Variants in LRRK2 observed in about 807,000 individuals in gnomAD.
The protein encoded by LRRK2 is leucine-rich repeat serine/threonine-protein kinase 2.
Under a neutral mutation model 302.6 loss-of-function variants are expected in LRRK2, and 203 were observed. The ratio of observed to expected loss-of-function variants is 0.67; its 90% CI spans 0.60 to 0.75. The LOEUF is 0.75. Ranked by LOEUF, LRRK2 falls within the 30% of genes least tolerant of loss-of-function variation. The pLI is 0.00. For synonymous variants in LRRK2, 1,066 were observed against 1,031.9 expected, an observed-to-expected ratio of 1.03 and a Z score of -0.63; for missense variants, 2,830 against 2,951.0, an observed-to-expected ratio of 0.96 and a Z score of 0.95.
Position 40,369,207 on chromosome 12 carries a change from A to G in LRRK2, c.*1442A>G, listed in dbSNP as rs1214100724. ...CTTTCATTGTTACTTTGTATTTGCA[A>G]TTTTTTTTACCAAAGACAAATTAAA... On this transcript the variant is annotated 3_prime_UTR_variant, in exon 51 of 51. Coordinates refer to ENST00000298910, the MANE Select transcript of LRRK2 (RefSeq NM_198578.4). 6.6e-6 allele frequency: 1 copy of G among 151,406 alleles called. No homozygotes were observed. The highest frequency in any genetic ancestry group is 1.9e-4 in the East Asian group (1 of 5,250). The allele number at this position is 151,406 out of a possible 1,614,324, so 9.4% of individuals were successfully genotyped here.
At chr12:40,352,175 G>T (rs1001613587) in intron 44 of LRRK2, among the ~76,000 whole-genome samples, 1 of 152,150 alleles carries the variant, frequency 6.6e-6, no homozygotes, top group African/African-American at 2.4e-5. Context: ...GCAATCTGCT[G>T]GGAGGTGGGG....
intron 7 of LRRK2, among the ~76,000 whole-genome samples, chr12:40,248,515 A>T (rs1389218437): frequency 6.6e-6 from 1 of 152,172 alleles, no homozygotes; most frequent in African/African-American, 2.4e-5. Context: ...GATTTGTTCC[A>T]TTTAATGGGT....
Position 40,320,090 on chromosome 12 carries a change from A to G in LRRK2, c.4930A>G (p.Asn1644Asp), listed in dbSNP as rs886049361. 1.2e-6 allele frequency: 2 copies of G among 1,611,778 alleles called. No homozygotes were observed. Residue 1644 changes from asparagine (N) to aspartate (D), a missense_variant, in exon 34 of 51, where the codon AAC (asparagine) becomes GAC (aspartate). Coordinates refer to ENST00000298910, the MANE Select transcript of LRRK2 (RefSeq NM_198578.4). ...FLSKKRKFPK[N>D]YMSQYFKLLE... ...TTCAAAAAAAAGGAAATTTCCAAAG[A>G]ACTACATGTCACAGTATTTTAAGCT...
At chr12:40,252,415 G>A (rs551705264) in intron 10 of LRRK2, among the ~76,000 whole-genome samples, 3 of 152,256 alleles carry the variant, frequency 2.0e-5, no homozygotes, top group African/African-American at 7.2e-5. Flanking sequence ...CTCATGTTGA[G>A]CAAGGCTTTT....
chr12:40,359,203 G>A (rs747721766), intron 46 of LRRK2, 57 bp from the exon 47 acceptor site: 8 of 1,454,208 alleles, frequency 5.5e-6, no homozygotes, highest in Non-Finnish European at 7.6e-6. Context: ...ATTTTATGGA[G>A]TTTTGTTCTG....
At position 40,367,645 on chromosome 12, in the gene LRRK2, G is replaced by T. The variant is rs1946920193; in HGVS notation, c.7464G>T (p.Glu2488Asp). The T allele has an allele frequency of 6.3e-7, 1 of 1,599,946 alleles. No homozygotes were observed. Among genetic ancestry groups the T allele is most frequent in the South Asian group, 1.1e-5 (1 of 88,628 alleles). ...KNTEGTQKQK[E>D]IQSCLTVWDI... ...GATTTCATTTTTTTCTTTTTCTAGAGATACAATCTTGCTTGACCGTTTGGG... is the reference window on the plus strand; with the variant it reads ...GATTTCATTTTTTTCTTTTTCTAGATATACAATCTTGCTTGACCGTTTGGG... The change falls in exon 51 of 51, where the codon GAG (glutamate) becomes GAT (aspartate). Residue 2488 changes from glutamate (E) to aspartate (D), a missense_variant and splice_region_variant. Glu to Asp is a conservative substitution (Grantham distance 45, BLOSUM62 2). Coordinates refer to ENST00000298910, the MANE Select transcript of LRRK2 (RefSeq NM_198578.4).
intron 47 of LRRK2, among the ~76,000 whole-genome samples, chr12:40,362,803 G>C (rs556654140): frequency 6.6e-6 from 1 of 151,920 alleles, no homozygotes; most frequent in African/African-American, 2.4e-5. Flanking sequence ...TAAGGTGTTC[G>C]TAATTTTTCT....
At chr12:40,318,974 A>G (rs1239762147) in intron 33 of LRRK2, among the ~76,000 whole-genome samples, 1 of 152,118 alleles carries the variant, frequency 6.6e-6, no homozygotes, top group Non-Finnish European at 1.5e-5. Context: ...AAATAGAAAT[A>G]CAGAAATGGG....
chr12:40,359,831 A>G (rs1946652471), intron 47 of LRRK2, among the ~76,000 whole-genome samples: 1 of 152,188 alleles, frequency 6.6e-6, no homozygotes, highest in Non-Finnish European at 1.5e-5. Flanking sequence ...TCCATTAAGT[A>G]TTGATTGTAG....
intron 2 of LRRK2, among the ~76,000 whole-genome samples, chr12:40,229,032 C>A (rs547887952): frequency 4.0e-4 from 61 of 152,246 alleles, no homozygotes; most frequent in South Asian, 8.3e-4. Context: ...TAGTAAAAAG[C>A]AAAATGGTTT....
chr12:40,310,709 CAG>C, intron 31 of LRRK2, 60 bp downstream of exon 31: 1 of 1,562,018 alleles, frequency 6.4e-7, no homozygotes, highest in African/African-American at 1.4e-5. Context: ...CTAGAAATGT[CAG>C]AAATTTTGAG....
chr12:40,364,625 G>A (rs183097554), intron 48 of LRRK2, among the ~76,000 whole-genome samples: 68 of 151,850 alleles, frequency 4.5e-4, no homozygotes, highest in African/African-American at 1.6e-3. Context: ...TGAAAATGAA[G>A]GGCTATTGTT....
chr12:40,231,512 T>C lies in LRRK2; in HGVS notation c.238-762T>C, dbSNP rs188824095. On this transcript the variant is annotated intron_variant, in intron 2 of 50. Coordinates refer to ENST00000298910, the MANE Select transcript of LRRK2 (RefSeq NM_198578.4). ...AGTTCTAGGCTGCAGTGATCTATGA[T>C]TGCACCATTGCACTCCAGCCTGGGT... 2.3e-4 allele frequency among the ~76,000 whole-genome samples: 34 copies of C among 148,106 alleles called. No homozygotes were observed. The East Asian group carries it at 6.5e-3, about 28-fold the overall frequency.
In LRRK2 at chr12:40,354,505, A is replaced by G. The variant is rs552825390; in HGVS notation, c.6770+13A>G. ...TTTCCAAGCAAAGGTATGGTAGTGA[A>G]TTTGATCAATGGGGAAATTACAGAT... On this transcript the variant is annotated intron_variant, in intron 45 of 50. Coordinates refer to ENST00000298910, the MANE Select transcript of LRRK2 (RefSeq NM_198578.4). 11 of 1,608,148 alleles carry G rather than the reference A, an allele frequency of 6.8e-6. No homozygotes were observed. In the South Asian group the frequency reaches 1.1e-4, roughly 16 times the overall value.
At chr12:40,342,139 C>T (rs1946063284) in intron 41 of LRRK2, among the ~76,000 whole-genome samples, 1 of 152,190 alleles carries the variant, frequency 6.6e-6, no homozygotes, top group African/African-American at 2.4e-5. Context: ...CTTAATTGGA[C>T]AGTGGATCTC....
rs189807954 is a variant in LRRK2 at position 40,324,663 on chromosome 12, G to A, written c.5656+1357G>A. ...AAAAGTTGTCCAAAATTTGAGACAT[G>A]ATATTTAAAGCTAAATAAACTCCTT... is the stretch of plus-strand genomic sequence containing the variant. On this transcript the variant is annotated intron_variant, in intron 38 of 50. Transcript: ENST00000298910. Among the ~76,000 whole-genome samples the A allele has an allele frequency of 1.3e-3, 203 of 152,284 alleles. 1 individual carries two copies. The highest frequency in any genetic ancestry group is 4.8e-3 in the African/African-American group (198 of 41,578).
chr12:40,348,849 A>T (rs1324533411), intron 43 of LRRK2, among the ~76,000 whole-genome samples: 1 of 151,918 alleles, frequency 6.6e-6, no homozygotes, highest in Admixed American at 6.6e-5. Flanking sequence ...ATATGTTGCA[A>T]TTTCTTTTTC....
At chr12:40,291,135 T>C (rs999089799) in intron 20 of LRRK2, among the ~76,000 whole-genome samples, 2 of 151,742 alleles carry the variant, frequency 1.3e-5, no homozygotes, top group Non-Finnish European at 2.9e-5. Flanking sequence ...TGTAGGGACA[T>C]GGATGAAGCT....
intron 19 of LRRK2, among the ~76,000 whole-genome samples, chr12:40,285,498 C>A (rs905519652): frequency 6.6e-6 from 1 of 151,730 alleles, no homozygotes; most frequent in African/African-American, 2.4e-5. Context: ...TTTAAATTGT[C>A]CTCTTTTGAG....
Sources: allele counts gnomAD v4.1 joint callset (sites outside exome capture counted in the v4.1 genomes callset), GRCh38; gene constraint gnomAD v4.1.1; transcripts MANE v1.5; gene names NCBI Gene and HGNC (gene_info 2026-07-23, HGNC 2026-07-21).